WDTC1: variants seen among roughly 807,000 people sequenced by gnomAD.
WDTC1 encodes the protein WD and tetratricopeptide repeats protein 1.
Under a neutral mutation model 76.0 loss-of-function variants are expected in WDTC1, and 12 were observed. The ratio of observed to expected loss-of-function variants is 0.16; its 90% CI spans 0.10 to 0.26. The LOEUF (loss-of-function observed/expected upper bound fraction) is 0.26, where lower values mean the gene tolerates loss of function less well. WDTC1 is among the 10% of genes least tolerant of loss of function. The pLI, the probability that WDTC1 is intolerant of heterozygous loss-of-function variation, is 1.00. For synonymous variants in WDTC1, 326 were observed against 350.8 expected (o/e 0.93, Z 0.79); for missense variants, 511 against 908.8 (o/e 0.56, Z 5.63).
chr1:27,266,058 C>T (rs1320183738), intron 3 of WDTC1, among the ~76,000 whole-genome samples: 1 of 152,012 alleles, frequency 6.6e-6, no homozygotes, highest in African/African-American at 2.4e-5. Context: ...GTAAAGGGGT[C>T]CTGAAACTGG....
At chr1:27,257,580 T>A (rs546187057) in intron 1 of WDTC1, among the ~76,000 whole-genome samples, 41 of 152,202 alleles carry the variant, frequency 2.7e-4, no homozygotes, top group Non-Finnish European at 5.0e-4. Flanking sequence ...TAGCTTACAT[T>A]AATTTGTTCA....
rs767870959 is a variant in WDTC1, at chr1:27,261,108, C to T, written c.48+6C>T. On this transcript the variant is annotated splice_donor_region_variant and intron_variant, in intron 2 of 15. Transcript: ENST00000319394. ...TCATCCGTAGGCAGATCAAGGTAAG[C>T]AGCCCAGACTTCTGCACCAGATCAT... The T allele has an allele frequency of 5.6e-6, 9 of 1,613,936 alleles. No individual in the cohort carries two copies. Among genetic ancestry groups the T allele is most frequent in the Admixed American group, 1.7e-5 (1 of 59,994 alleles).
At chr1:27,245,382 TC>T (rs2011792313) in intron 1 of WDTC1, among the ~76,000 whole-genome samples, 1 of 151,558 alleles carries the variant, frequency 6.6e-6, no homozygotes, top group Middle Eastern at 3.2e-3. Flanking sequence ...ACCAGTGGGA[TC>T]AATGGATGAA....
At chr1:27,247,952 A>G (rs1024780614) in intron 1 of WDTC1, among the ~76,000 whole-genome samples, 1 of 152,078 alleles carries the variant, frequency 6.6e-6, no homozygotes, top group Non-Finnish European at 1.5e-5. Context: ...TGCTGACCTC[A>G]GGTGATCTGC....
rs760738785 is a variant in WDTC1, at chr1:27,294,014, C to T, written c.663-8C>T. On this transcript the variant is annotated splice_polypyrimidine_tract_variant and splice_region_variant and intron_variant, in intron 7 of 15. Transcript: ENST00000319394. ...AACTTTAACCTATATGATTTTCCTT[C>T]CCACCAGAAAGAGCATGAAGCAGAG... 1 of 1,613,390 alleles carries T rather than the reference C, an allele frequency of 6.2e-7. No homozygotes were observed. Among genetic ancestry groups the T allele is most frequent in the Non-Finnish European group, 8.5e-7 (1 of 1,179,542 alleles).
At chr1:27,268,653 G>A (rs375538595) in intron 3 of WDTC1, among the ~76,000 whole-genome samples, 14 of 151,436 alleles carry the variant, frequency 9.2e-5, no homozygotes, top group East Asian at 3.9e-4. Context: ...TCCTGACCTC[G>A]TGATTCACCC....
intron 4 of WDTC1, among the ~76,000 whole-genome samples, chr1:27,282,977 A>C (rs2013230869): frequency 6.6e-6 from 1 of 151,836 alleles, no homozygotes; most frequent in South Asian, 2.1e-4. Context: ...GTCTCTACAA[A>C]AAAACAAAAA....
At chr1:27,272,161 G>T (rs1019174515) in intron 3 of WDTC1, among the ~76,000 whole-genome samples, 1 of 151,802 alleles carries the variant, frequency 6.6e-6, no homozygotes, top group African/African-American at 2.4e-5. Flanking sequence ...CAGGAGAATC[G>T]CTTGAACCCG....
Position 27,305,263 on chromosome 1 carries a change from G to T in WDTC1, c.1836+70G>T. On this transcript the variant is annotated intron_variant, in intron 15 of 15. Transcript: ENST00000319394. This position sits in a 1 kb window ranked among gnomAD's most constrained non-coding sequence, Gnocchi z 4.6. ...GAAGGCTCCAGTGGAGCCTGCTAGCGCAGGGAAGAGAAATGAGCCACCCAG... is the reference window on the plus strand; with the variant it reads ...GAAGGCTCCAGTGGAGCCTGCTAGCTCAGGGAAGAGAAATGAGCCACCCAG... 2 of 1,524,680 alleles carry T rather than the reference G, an allele frequency of 1.3e-6. No individual in the cohort carries two copies. Among genetic ancestry groups the T allele is most frequent in the East Asian group, 2.3e-5 (1 of 42,804 alleles). 94.4% of individuals were successfully genotyped at this position (1,524,680 alleles called of 1,614,324 possible). A position where few individuals can be genotyped will look rare whatever the true frequency, so the allele number is the denominator to read the frequency against.
At position 27,307,731 on chromosome 1, in the gene WDTC1, G is replaced by A. The variant is rs2013990685; in HGVS notation, c.*1348G>A. The A allele has an allele frequency of 6.5e-6, 1 of 152,838 alleles. No homozygotes were observed. The allele number at this position is 152,838 out of a possible 1,614,324, so 9.5% of individuals were successfully genotyped here. A position where few individuals can be genotyped will look rare whatever the true frequency, so the allele number is the denominator to read the frequency against. Reference sequence around the variant, plus strand: ...TTTTCACAGTTTTAAGAAGACAAGTGGAGGGTGAGGATAGTGGTGGGGGGT... The same window carrying A: ...TTTTCACAGTTTTAAGAAGACAAGTAGAGGGTGAGGATAGTGGTGGGGGGT... On this transcript the variant is annotated 3_prime_UTR_variant, in exon 16 of 16. Coordinates refer to ENST00000319394, the MANE Select transcript of WDTC1 (RefSeq NM_001276252.2). This position sits in a 1 kb window ranked among gnomAD's most constrained non-coding sequence, Gnocchi z 4.1.
rs2013818329 is a variant in WDTC1 at position 27,301,007 on chromosome 1, T to C, written c.1233-219T>C. On this transcript the variant is annotated intron_variant, in intron 12 of 15. Transcript: ENST00000319394. The surrounding 1 kb of genome is among the most constrained non-coding windows in gnomAD (Gnocchi z 5.8). ...AGCCTGACACCAGCTTTTGCCACCCTCAAGACCTCAGGGTTTCCTGGCTTG... is the reference window on the plus strand; with the variant it reads ...AGCCTGACACCAGCTTTTGCCACCCCCAAGACCTCAGGGTTTCCTGGCTTG... 1.3e-5 allele frequency among the ~76,000 whole-genome samples: 2 copies of C among 152,316 alleles called. No individual in the cohort carries two copies. Among genetic ancestry groups the C allele is most frequent in the South Asian group, 4.1e-4 (2 of 4,828 alleles).
intron 1 of WDTC1, among the ~76,000 whole-genome samples, chr1:27,235,539 T>C (rs1242251121): frequency 6.6e-6 from 1 of 151,396 alleles, no homozygotes; most frequent in Non-Finnish European, 1.5e-5. Flanking sequence ...GGCCTCTGCT[T>C]GGGAACGGGC....
chr1:27,285,150 C>T (rs2013297585), intron 5 of WDTC1, among the ~76,000 whole-genome samples: 2 of 150,856 alleles, frequency 1.3e-5, no homozygotes, highest in South Asian at 4.2e-4. Flanking sequence ...GATTCTTGTG[C>T]CTCAGCCTCC....
At chr1:27,252,410 G>T (rs1557480682) in intron 1 of WDTC1, among the ~76,000 whole-genome samples, 2 of 151,976 alleles carry the variant, frequency 1.3e-5, no homozygotes, top group Non-Finnish European at 2.9e-5. Context: ...ATTTTTTGTT[G>T]AGCTTTTATA....
intron 1 of WDTC1, among the ~76,000 whole-genome samples, chr1:27,251,185 C>A (rs1010936869): frequency 2.0e-5 from 3 of 151,282 alleles, no homozygotes; most frequent in Non-Finnish European, 2.9e-5. Context: ...GCGACCACAC[C>A]TAGCCAGACT....
rs752867931 is a variant in WDTC1 at position 27,301,238 on chromosome 1, C to T, written c.1245C>T (p.His415=). The T allele has an allele frequency of 1.7e-5, 27 of 1,614,036 alleles. No individual in the cohort carries two copies. Among genetic ancestry groups the T allele is most frequent in the Non-Finnish European group, 2.3e-5 (27 of 1,180,022 alleles). ...CCTGCCTTCCCAGGGATGGTGACCA[C>T]TATGATGCCCTGAGGGACTGCCTCA... The part of the protein sequence containing the change: ...AYMKRKWDGD[H]YDALRDCLKA... Residue 415 remains histidine (H), a synonymous_variant, in exon 13 of 16, where the codon CAC becomes CAT. Coordinates refer to ENST00000319394, the MANE Select transcript of WDTC1 (RefSeq NM_001276252.2). The surrounding 1 kb of genome is among the most constrained non-coding windows in gnomAD (Gnocchi z 5.8).
In WDTC1 at chr1:27,305,966, G is replaced by A. The variant is rs2013944131; in HGVS notation, c.1837-220G>A. ...ATGTTATGACCTGCCTGTATATCCT[G>A]AGGTGGCGTATCTCCCATATATATT... On this transcript the variant is annotated intron_variant, in intron 15 of 15. Coordinates refer to ENST00000319394, the MANE Select transcript of WDTC1 (RefSeq NM_001276252.2). This position sits in a 1 kb window ranked among gnomAD's most constrained non-coding sequence, Gnocchi z 4.6. Among the ~76,000 whole-genome samples, 1 of 152,024 alleles carries A rather than the reference G, an allele frequency of 6.6e-6. No homozygotes were observed. The highest frequency in any genetic ancestry group is 2.1e-4 in the South Asian group (1 of 4,822).
At chr1:27,302,499 CTGATG>C in intron 13 of WDTC1, among the ~76,000 whole-genome samples, 1 of 152,186 alleles carries the variant, frequency 6.6e-6, no homozygotes, top group African/African-American at 2.4e-5. Flanking sequence ...CTTTGGGAGG[CTGATG>C]TGGGAAAATA....
intron 5 of WDTC1, among the ~76,000 whole-genome samples, chr1:27,286,320 T>G (rs1487666761): frequency 6.6e-6 from 1 of 151,726 alleles, no homozygotes; most frequent in African/African-American, 2.4e-5. Context: ...TTTGTTTTTT[T>G]TTTTAATAAA....
Sources: allele counts gnomAD v4.1 joint callset (sites outside exome capture counted in the v4.1 genomes callset), GRCh38; gene constraint gnomAD v4.1.1; non-coding constraint Gnocchi (gnomAD v3.1); transcripts MANE v1.5; gene names NCBI Gene and HGNC (gene_info 2026-07-23, HGNC 2026-07-21).